The following PDE1C variants were observed in gnomAD, a reference collection of about 807,000 sequenced individuals.
PDE1C encodes the protein dual specificity calcium/calmodulin-dependent 3',5'-cyclic nucleotide phosphodiesterase 1C.
In PDE1C, 62 loss-of-function variants were observed where a neutral mutation model predicts 93.1. The observed-to-expected ratio is 0.67, with a 90% CI of 0.54 to 0.82. The LOEUF (loss-of-function observed/expected upper bound fraction) is 0.82. Ranked by LOEUF, PDE1C falls within the 40% of genes least tolerant of loss-of-function variation. The pLI is 0.00. For missense variants in PDE1C, 742 were observed against 884.6 expected, an observed-to-expected ratio of 0.84 and a Z score of 2.04; for synonymous variants, 325 against 310.1, an observed-to-expected ratio of 1.05 and a Z score of -0.50.
At chr7:32,097,084 GGGA>G (rs1224100672) in intron 3 of PDE1C, among the ~76,000 whole-genome samples, 1 of 152,196 alleles carries the variant, frequency 6.6e-6, no homozygotes, top group Non-Finnish European at 1.5e-5. Context: ...GCTTAAATCA[GGGA>G]GGAGAGGTTC....
At chr7:31,918,398 G>C (rs1304686063) in intron 2 of PDE1C, among the ~76,000 whole-genome samples, 1 of 152,162 alleles carries the variant, frequency 6.6e-6, no homozygotes, top group Non-Finnish European at 1.5e-5. Context: ...TGTACCCTCA[G>C]GCCAGCTCTG....
intron 1 of PDE1C, among the ~76,000 whole-genome samples, chr7:32,239,714 T>C (rs1359855784): frequency 1.3e-5 from 2 of 152,060 alleles, no homozygotes; most frequent in Non-Finnish European, 2.9e-5. Flanking sequence ...GGGAGAGAAA[T>C]GAGACCAGAA....
intron 2 of PDE1C, among the ~76,000 whole-genome samples, chr7:32,187,799 C>T (rs1226741979): frequency 6.6e-6 from 1 of 152,174 alleles, no homozygotes; most frequent in Non-Finnish European, 1.5e-5. Flanking sequence ...ATAATCAATA[C>T]AAACAATATT....
intron 2 of PDE1C, among the ~76,000 whole-genome samples, chr7:31,982,380 AAC>A (rs1812501305): frequency 6.6e-6 from 1 of 152,228 alleles, no homozygotes; most frequent in African/African-American, 2.4e-5. Context: ...TTAAGTTACA[AAC>A]CATGAATTTA....
At chr7:31,713,661 T>C in the PDE1C span, among the ~76,000 whole-genome samples, 1 of 152,216 alleles carries the variant, frequency 6.6e-6, no homozygotes, top group African/African-American at 2.4e-5. Context: ...TGCCTGGGCA[T>C]CCAGGCATTT....
chr7:32,087,833 A>G (rs953406224), intron 3 of PDE1C, among the ~76,000 whole-genome samples: 2 of 146,754 alleles, frequency 1.4e-5, no homozygotes, highest in African/African-American at 5.0e-5. Flanking sequence ...GGGGAACATC[A>G]CACTCTAGGG....
intron 1 of PDE1C, among the ~76,000 whole-genome samples, chr7:32,225,802 G>A (rs1284251079): frequency 6.6e-6 from 1 of 152,216 alleles, no homozygotes; most frequent in African/African-American, 2.4e-5. Flanking sequence ...GTTCACACCT[G>A]TAATCCCAAC....
chr7:32,054,431 T>C (rs114466851), intron 1 of PDE1C, among the ~76,000 whole-genome samples: 1,818 of 152,318 alleles, frequency 0.012, 52 homozygotes, highest in African/African-American at 0.041. Context: ...GTAGTGTGCC[T>C]GCCATGTAAG....
chr7:32,159,737 G>A (rs1207967939), intron 3 of PDE1C, among the ~76,000 whole-genome samples: 2 of 152,140 alleles, frequency 1.3e-5, no homozygotes, highest in Non-Finnish European at 2.9e-5. Flanking sequence ...AGAGGCAAGG[G>A]TGAGACCTGA....
intron 3 of PDE1C, among the ~76,000 whole-genome samples, chr7:32,167,812 C>G (rs938980725): frequency 6.6e-6 from 1 of 152,138 alleles, no homozygotes; most frequent in African/African-American, 2.4e-5. Context: ...ATCATTAACC[C>G]TTATTGTGGT....
At chr7:31,746,854 A>G (rs1269123625), downstream of PDE1C, among the ~76,000 whole-genome samples, 2 of 152,164 alleles carry the variant, frequency 1.3e-5, no homozygotes, top group African/African-American at 2.4e-5. Flanking sequence ...TTGGAGAAAG[A>G]GCCAACCATT....
chr7:32,105,701 CTT>C (rs11313586), intron 3 of PDE1C, among the ~76,000 whole-genome samples: 2,002 of 133,972 alleles, frequency 0.015, 33 homozygotes, highest in African/African-American at 0.048. Flanking sequence ...CCACATCTGA[CTT>C]TTTTTTTTTT....
chr7:32,411,200 A>G lies in PDE1C; in HGVS notation c.310+16622T>C, dbSNP rs1046118654. Among the ~76,000 whole-genome samples, 3 of 152,302 alleles carry G rather than the reference A, an allele frequency of 2.0e-5. No individual in the cohort carries two copies. In the South Asian group the frequency reaches 6.2e-4, roughly 32 times the overall value. On this transcript the variant is annotated intron_variant, in intron 1 of 1. Coordinates refer to the PDE1C transcript ENST00000672256. Reference sequence around the variant, plus strand: ...CAGGATAGACTCCAAACCAAATTAAATGAAAATCAAATCAAATTATAAAAA... The same window carrying G: ...CAGGATAGACTCCAAACCAAATTAAGTGAAAATCAAATCAAATTATAAAAA...
chr7:31,871,705 AAG>A (rs1554384110), intron 6 of PDE1C, among the ~76,000 whole-genome samples: 2 of 151,802 alleles, frequency 1.3e-5, no homozygotes, highest in Non-Finnish European at 2.9e-5. Context: ...AAAAAAAAAA[AAG>A]ATGCACTGGT....
chr7:31,751,910 A>G lies in PDE1C; in HGVS notation c.*1474T>C, dbSNP rs550144363. The G allele has an allele frequency of 1.3e-5, 2 of 152,308 alleles. No homozygotes were observed. The highest frequency in any genetic ancestry group is 3.9e-4 in the East Asian group (2 of 5,164). 9.4% of individuals were successfully genotyped at this position (152,308 alleles called of 1,614,324 possible). ...CCTGGAAGGTCGAGGCCATCCGGGA[A>G]CAAACAGCTCCTTCTTTGTAGGGCT... is the stretch of plus-strand genomic sequence containing the variant. On this transcript the variant is annotated 3_prime_UTR_variant, in exon 18 of 18. Transcript: ENST00000396191.
chr7:31,677,128 G>A, the PDE1C span, among the ~76,000 whole-genome samples: 1 of 152,094 alleles, frequency 6.6e-6, no homozygotes, highest in African/African-American at 2.4e-5. Flanking sequence ...GTCTAAACAG[G>A]CCAATCTCCC....
At chr7:32,411,510 A>G (rs1375658036) in intron 1 of PDE1C, among the ~76,000 whole-genome samples, 3 of 152,192 alleles carry the variant, frequency 2.0e-5, no homozygotes, top group Admixed American at 6.5e-5. Context: ...GGTATAAAAG[A>G]TTTTAAACGA....
intron 3 of PDE1C, 183 bp from the exon 4 acceptor site, chr7:31,879,361 C>T (rs1360718295): frequency 8.7e-6 from 5 of 571,950 alleles, no homozygotes; most frequent in Admixed American, 3.0e-5. Context: ...GTGTGTTTCG[C>T]GATGGTCTTG....
At chr7:32,240,385 A>G (rs902930403) in intron 1 of PDE1C, among the ~76,000 whole-genome samples, 5 of 152,242 alleles carry the variant, frequency 3.3e-5, no homozygotes, top group African/African-American at 1.2e-4. Context: ...ACAAAATGGT[A>G]AGTCCCAGAT....
Sources: allele counts gnomAD v4.1 joint callset (sites outside exome capture counted in the v4.1 genomes callset), GRCh38; gene constraint gnomAD v4.1.1; transcripts MANE v1.5; gene names NCBI Gene and HGNC (gene_info 2026-07-23, HGNC 2026-07-21).